SPECC1L: variants seen among roughly 807,000 people sequenced by gnomAD.
The protein encoded by SPECC1L is sperm antigen with calponin homology and coiled-coil domains 1 like.
A neutral mutation model predicts 116.8 loss-of-function variants in SPECC1L; 40 were observed. The ratio of observed to expected loss-of-function variants is 0.34; its 90% CI spans 0.27 to 0.45. The LOEUF is 0.45. SPECC1L is among the 20% of genes least tolerant of loss of function. SPECC1L has a pLI of 1.00. For synonymous variants in SPECC1L, 504 were observed against 500.6 expected (o/e 1.01, Z -0.09); for missense variants, 1,110 against 1,373.6 (o/e 0.81, Z 3.03).
At chr22:24,291,430 T>C (rs1482619299) in intron 2 of SPECC1L, among the ~76,000 whole-genome samples, 1 of 152,344 alleles carries the variant, frequency 6.6e-6, no homozygotes, top group Non-Finnish European at 1.5e-5. Context: ...ATTTTCATAA[T>C]ATGTAATTTT....
At chr22:24,360,265 C>A (rs541800737) in intron 11 of SPECC1L, among the ~76,000 whole-genome samples, 13 of 152,302 alleles carry the variant, frequency 8.5e-5, no homozygotes, top group Admixed American at 6.5e-4. Flanking sequence ...AGTAAATGGA[C>A]CTGTGTTCTT....
chr22:24,282,224 G>C (rs1183006442), intron 2 of SPECC1L, among the ~76,000 whole-genome samples: 3 of 152,240 alleles, frequency 2.0e-5, no homozygotes, highest in Non-Finnish European at 4.4e-5. Flanking sequence ...AGTTTAGGGA[G>C]GGTCAGAATC....
At chr22:24,317,140 C>T in intron 4 of SPECC1L, among the ~76,000 whole-genome samples, 1 of 106,470 alleles carries the variant, frequency 9.4e-6, no homozygotes, top group African/African-American at 3.5e-5. Flanking sequence ...GGGGGCTGAC[C>T]CCCCTACCTC....
intron 14 of SPECC1L, among the ~76,000 whole-genome samples, chr22:24,376,841 C>CT (rs1367189740): frequency 6.7e-6 from 1 of 150,072 alleles, no homozygotes; most frequent in African/African-American, 2.4e-5. Context: ...TAAGAAAGAA[C>CT]TTTTTTTATT....
At chr22:24,398,049 T>G (rs2146764704) in intron 14 of SPECC1L, among the ~76,000 whole-genome samples, 1 of 152,356 alleles carries the variant, frequency 6.6e-6, no homozygotes, top group African/African-American at 2.4e-5. Flanking sequence ...TCTTCATCTT[T>G]GGCCACATGG....
rs2041683804 is a variant in SPECC1L at position 24,363,397 on chromosome 22, A to T, written c.2827+53A>T. On this transcript the variant is annotated intron_variant, in intron 12 of 16. Coordinates refer to ENST00000314328, the MANE Select transcript of SPECC1L (RefSeq NM_015330.6). Reference sequence around the variant, plus strand: ...GTATTTGTTGTTTTTTAGAGACAGGATCTCACTATGTTGCCCAGGCTGATC... The same window carrying T: ...GTATTTGTTGTTTTTTAGAGACAGGTTCTCACTATGTTGCCCAGGCTGATC... The T allele has an allele frequency of 2.0e-6, 3 of 1,465,468 alleles. No individual in the cohort carries two copies. The South Asian group carries it at 3.4e-5, about 17-fold the overall frequency. 90.8% of individuals were successfully genotyped at this position (1,465,468 alleles called of 1,614,324 possible).
chr22:24,323,018 A>C, intron 5 of SPECC1L, 100 bp downstream of exon 5: 1 of 1,496,842 alleles, frequency 6.7e-7, no homozygotes, highest in Non-Finnish European at 8.9e-7. Context: ...TTGGTGTGTT[A>C]TTAGCTTTTT....
chr22:24,375,840 C>G (rs2041960241), intron 14 of SPECC1L, among the ~76,000 whole-genome samples: 1 of 152,018 alleles, frequency 6.6e-6, no homozygotes, highest in South Asian at 2.1e-4. Flanking sequence ...ATGCCAGCTA[C>G]TTGGGAGGCT....
At position 24,330,909 on chromosome 22, in the gene SPECC1L, A is replaced by G. The variant is rs543725831; in HGVS notation, c.2396+478A>G. Among the ~76,000 whole-genome samples, 8 of 152,344 alleles carry G rather than the reference A, an allele frequency of 5.3e-5. No homozygotes were observed. In the South Asian group the frequency reaches 1.0e-3, roughly 20 times the overall value. Reference sequence around the variant, plus strand: ...CTTACAGTGTTGTCATAAGGATTAAATAAGATAATGCCTGCCAAGTGCTCA... The same window carrying G: ...CTTACAGTGTTGTCATAAGGATTAAGTAAGATAATGCCTGCCAAGTGCTCA... On this transcript the variant is annotated intron_variant, in intron 8 of 16. Coordinates refer to ENST00000314328, the MANE Select transcript of SPECC1L (RefSeq NM_015330.6).
chr22:24,343,997 G>A (rs2041237034), intron 10 of SPECC1L, among the ~76,000 whole-genome samples: 1 of 152,074 alleles, frequency 6.6e-6, no homozygotes, highest in Admixed American at 6.5e-5. Context: ...GAAAACTCCA[G>A]GCCCAGGTGG....
At chr22:24,295,888 C>G (rs2146382739) in intron 2 of SPECC1L, among the ~76,000 whole-genome samples, 1 of 152,268 alleles carries the variant, frequency 6.6e-6, no homozygotes, top group South Asian at 2.1e-4. Flanking sequence ...GCAGATGTTG[C>G]AGTGAGCCAA....
In SPECC1L at chr22:24,416,152, C is replaced by T. The variant is rs1036206299; in HGVS notation, c.*1529C>T. 5.3e-5 allele frequency: 8 copies of T among 152,194 alleles called. No individual in the cohort carries two copies. Among genetic ancestry groups the T allele is most frequent in the Non-Finnish European group, 1.2e-4 (8 of 68,042 alleles). The allele number at this position is 152,194 out of a possible 1,614,324, so 9.4% of individuals were successfully genotyped here. The stretch of plus-strand genomic sequence containing the variant: ...CTAGAATAGGAGTTTAACGTGTCTA[C>T]GTAACCTAGAATGTGGTTATTAGGA... On this transcript the variant is annotated 3_prime_UTR_variant, in exon 17 of 17. Transcript: ENST00000314328.
chr22:24,403,419 T>C (rs1172490722), intron 14 of SPECC1L, among the ~76,000 whole-genome samples: 1 of 152,254 alleles, frequency 6.6e-6, no homozygotes, highest in Non-Finnish European at 1.5e-5. Flanking sequence ...GTTAATTTTT[T>C]TCTTCTTAGA....
At chr22:24,372,651 A>G (rs191416583) in intron 14 of SPECC1L, among the ~76,000 whole-genome samples, 26 of 152,182 alleles carry the variant, frequency 1.7e-4, no homozygotes, top group African/African-American at 4.3e-4. Flanking sequence ...ATCTATGGCA[A>G]ACCCACAGCC....
At chr22:24,334,630 T>C in intron 9 of SPECC1L, 57 bp downstream of exon 9, 1 of 1,574,852 alleles carries the variant, frequency 6.3e-7, no homozygotes. Context: ...ACTTACCTTA[T>C]ATTCTCTGGT....
In SPECC1L at chr22:24,313,583, T is replaced by G; in HGVS notation, c.307+117T>G. 3.3e-6 allele frequency: 4 copies of G among 1,211,160 alleles called. No homozygotes were observed. The East Asian group carries it at 9.9e-5, about 30-fold the overall frequency. The allele number at this position is 1,211,160 out of a possible 1,614,324, so 75.0% of individuals were successfully genotyped here. A position where few individuals can be genotyped will look rare whatever the true frequency, so the allele number is the denominator to read the frequency against. On this transcript the variant is annotated intron_variant, in intron 4 of 16. Coordinates refer to ENST00000314328, the MANE Select transcript of SPECC1L (RefSeq NM_015330.6). ...GAAATTTTAGACATACAAAAGTAGA[T>G]GGATTGATATTTCAGCCCAATACGC...
In SPECC1L at chr22:24,348,105, C is replaced by A. The variant is rs1340586853; in HGVS notation, c.2743+929C>A. On this transcript the variant is annotated intron_variant, in intron 11 of 16. Coordinates refer to ENST00000314328, the MANE Select transcript of SPECC1L (RefSeq NM_015330.6). ...TACTAAAGTGCATTGGAAAGATGAA[C>A]TGCAGTGTTGGGGTGTGGTGCTGGG... Among the ~76,000 whole-genome samples, 9 of 152,256 alleles carry A rather than the reference C, an allele frequency of 5.9e-5. No homozygotes were observed. The East Asian group carries it at 1.4e-3, about 23-fold the overall frequency.
At chr22:24,362,710 C>T (rs1487530847) in intron 11 of SPECC1L, among the ~76,000 whole-genome samples, 2 of 152,112 alleles carry the variant, frequency 1.3e-5, no homozygotes, top group Non-Finnish European at 2.9e-5. Flanking sequence ...AAATCTAGTT[C>T]CCCACCTCTT....
chr22:24,394,441 C>A (rs5751857), intron 14 of SPECC1L, among the ~76,000 whole-genome samples: 3,794 of 152,298 alleles, frequency 0.025, 153 homozygotes, highest in South Asian at 0.12. Context: ...CGCATTACTT[C>A]CCAAAGAACC....
Sources: gnomAD v4.1 joint callset for allele counts (sites outside exome capture counted in the v4.1 genomes callset) on GRCh38, gnomAD v4.1.1 for gene constraint, MANE v1.5 for transcripts, NCBI Gene and HGNC (gene_info 2026-07-23, HGNC 2026-07-21) for gene names.